The following PARN variants were observed in gnomAD, a reference collection of about 807,000 sequenced individuals.
PARN encodes the protein poly(A)-specific ribonuclease, also known as poly(A)-specific ribonuclease PARN.
PARN carries 71 observed loss-of-function variants against 102.8 expected under a neutral mutation model. The ratio of observed to expected loss-of-function variants is 0.69; its 90% CI spans 0.57 to 0.84. PARN has a LOEUF of 0.84. PARN is among the 40% of genes least tolerant of loss of function. The pLI is 0.00. For synonymous variants in PARN, 261 were observed against 252.9 expected (o/e 1.03, Z -0.30); for missense variants, 782 against 760.9 (o/e 1.03, Z -0.33).
chr16:14,531,807 G>A (rs12444824), intron 21 of PARN, among the ~76,000 whole-genome samples: 26,394 of 151,438 alleles, frequency 0.17, 2,654 homozygotes, highest in Middle Eastern at 0.28. Flanking sequence ...TCTTTCAAAA[G>A]CCCCAGACTT....
rs148721192 is a variant in PARN, at chr16:14,536,710, T to C, written c.1480+15311A>G. 1.2e-3 allele frequency among the ~76,000 whole-genome samples: 182 copies of C among 152,334 alleles called. 1 individual carries two copies. Among genetic ancestry groups the C allele is most frequent in the African/African-American group, 3.9e-3 (164 of 41,572 alleles). ...CCTTTTCTATGTAGTTTTAAATTTTTCTAATAAAAATAAGTGGTATGTGAA... is the reference window on the plus strand; with the variant it reads ...CCTTTTCTATGTAGTTTTAAATTTTCCTAATAAAAATAAGTGGTATGTGAA... On this transcript the variant is annotated intron_variant, in intron 21 of 23. Coordinates refer to ENST00000437198, the MANE Select transcript of PARN (RefSeq NM_002582.4).
intron 21 of PARN, among the ~76,000 whole-genome samples, chr16:14,497,105 T>A (rs1394272375): frequency 6.6e-6 from 1 of 152,142 alleles, no homozygotes; most frequent in East Asian, 1.9e-4. Context: ...CACTAAACAA[T>A]ACCTACTTTT....
At chr16:14,582,968 A>G (rs1392675174) in intron 16 of PARN, among the ~76,000 whole-genome samples, 1 of 152,206 alleles carries the variant, frequency 6.6e-6, no homozygotes, top group Non-Finnish European at 1.5e-5. Context: ...ACTGCAATTC[A>G]CTATCAACAG....
intron 21 of PARN, among the ~76,000 whole-genome samples, chr16:14,526,447 G>T (rs1324734890): frequency 6.6e-6 from 1 of 152,120 alleles, no homozygotes; most frequent in East Asian, 1.9e-4. Context: ...AAAGTGCTGG[G>T]ATTACAGGCA....
At chr16:14,454,776 A>T (rs1278483077) in intron 22 of PARN, among the ~76,000 whole-genome samples, 1 of 152,226 alleles carries the variant, frequency 6.6e-6, no homozygotes, top group Non-Finnish European at 1.5e-5. Context: ...GAATTCCCAA[A>T]TCATAAAATA....
intron 21 of PARN, among the ~76,000 whole-genome samples, chr16:14,511,816 T>C (rs1965203922): frequency 6.6e-6 from 1 of 152,178 alleles, no homozygotes. Context: ...TCCTCCTGCC[T>C]CAGCCTCCCA....
chr16:14,470,439 T>TGATGATGATGATGATGATGATGA (rs201359113), intron 22 of PARN, among the ~76,000 whole-genome samples: 1 of 102,972 alleles, frequency 9.7e-6, no homozygotes, highest in African/African-American at 2.8e-5. Context: ...GTTTGGATGA[T>TGATGATGATGATGATGATGATGA]TATTATTATT....
intron 6 of PARN, among the ~76,000 whole-genome samples, chr16:14,617,100 G>A (rs1971956180): frequency 6.7e-6 from 1 of 149,778 alleles, no homozygotes; most frequent in Non-Finnish European, 1.5e-5. Flanking sequence ...AAAGATCACA[G>A]TAGGCCAGGC....
intron 21 of PARN, among the ~76,000 whole-genome samples, chr16:14,488,581 C>T (rs188897805): frequency 7.0e-4 from 106 of 152,242 alleles, no homozygotes; most frequent in African/African-American, 2.4e-3. Context: ...GCACGGTCAC[C>T]GCACAGAAGG....
At chr16:14,557,817 C>T (rs1328205099) in intron 18 of PARN, among the ~76,000 whole-genome samples, 1 of 152,080 alleles carries the variant, frequency 6.6e-6, no homozygotes, top group Non-Finnish European at 1.5e-5. Context: ...ATCAATACTC[C>T]CTGCAATGCC....
At chr16:14,523,217 T>C (rs900677768) in intron 21 of PARN, among the ~76,000 whole-genome samples, 176 of 139,846 alleles carry the variant, frequency 1.3e-3, no homozygotes, top group Non-Finnish European at 2.3e-3. Context: ...AAAGAAAAAC[T>C]AACAAGTACA....
At chr16:14,505,480 A>AACAC (rs372607658) in intron 21 of PARN, among the ~76,000 whole-genome samples, 49 of 149,412 alleles carry the variant, frequency 3.3e-4, no homozygotes, top group Middle Eastern at 3.5e-3. Flanking sequence ...CGTCTCTTAA[A>AACAC]ACACACACAC....
intron 16 of PARN, 130 bp from the exon 17 acceptor site, chr16:14,582,421 A>AT (rs1969591005): frequency 1.5e-6 from 1 of 657,028 alleles, no homozygotes; most frequent in African/African-American, 1.8e-5. Context: ...TCTATTCCTT[A>AT]ATTCTCTCTA....
At chr16:14,600,361 C>G (rs2151780700) in intron 11 of PARN, among the ~76,000 whole-genome samples, 1 of 152,288 alleles carries the variant, frequency 6.6e-6, no homozygotes, top group South Asian at 2.1e-4. Context: ...CTGATCAAAT[C>G]AAGTATTTTC....
intron 23 of PARN, among the ~76,000 whole-genome samples, chr16:14,439,375 CAAA>C (rs58385541): frequency 4.3e-4 from 39 of 90,592 alleles, no homozygotes; most frequent in East Asian, 1.4e-3. Flanking sequence ...AACTGTCGCA[CAAA>C]AAAAAAAAAA....
At chr16:14,535,860 A>T (rs1966585250) in intron 21 of PARN, among the ~76,000 whole-genome samples, 1 of 152,192 alleles carries the variant, frequency 6.6e-6, no homozygotes, top group African/African-American at 2.4e-5. Flanking sequence ...TACCATCTCC[A>T]GCTTCAGGCA....
At chr16:14,581,998 A>C (rs771972342) in intron 17 of PARN, among the ~76,000 whole-genome samples, 183 bp downstream of exon 17, 3 of 152,218 alleles carry the variant, frequency 2.0e-5, no homozygotes, top group East Asian at 1.9e-4. Context: ...GTGGGCTCTC[A>C]CCAGATACTA....
chr16:14,624,025 C>T (rs1695534213), intron 5 of PARN, among the ~76,000 whole-genome samples: 1 of 152,094 alleles, frequency 6.6e-6, no homozygotes, highest in Non-Finnish European at 1.5e-5. Context: ...ATGCTGACTG[C>T]CCTACTATTC....
intron 22 of PARN, among the ~76,000 whole-genome samples, chr16:14,458,250 C>T (rs1041656724): frequency 1.3e-5 from 2 of 152,088 alleles, no homozygotes; most frequent in Non-Finnish European, 2.9e-5. Context: ...TTTAGAACAT[C>T]TGAAATTTTC....
Sources: allele counts gnomAD v4.1 joint callset (sites outside exome capture counted in the v4.1 genomes callset), GRCh38; gene constraint gnomAD v4.1.1; transcripts MANE v1.5; gene names NCBI Gene and HGNC (gene_info 2026-07-23, HGNC 2026-07-21).